The following FAM13C variants were observed in gnomAD, a reference collection of about 807,000 sequenced individuals.
FAM13C encodes protein FAM13C.
FAM13C carries 37 observed loss-of-function variants against 73.2 expected under a neutral mutation model. That is an observed-to-expected ratio of 0.51 (90% CI 0.39 to 0.67). The LOEUF is 0.67. Among genes scored for constraint, FAM13C ranks in the 30% least tolerant of loss-of-function variants. The pLI is 0.00. For missense variants in FAM13C, 589 were observed against 715.6 expected, an observed-to-expected ratio of 0.82 and a Z score of 2.02; for synonymous variants, 246 against 260.9, an observed-to-expected ratio of 0.94 and a Z score of 0.55.
At chr10:59,292,712 A>G (rs1348405239) in intron 5 of FAM13C, among the ~76,000 whole-genome samples, 1 of 152,240 alleles carries the variant, frequency 6.6e-6, no homozygotes, top group African/African-American at 2.4e-5. Context: ...ATATTTTTAA[A>G]TTTTGAATTG....
chr10:59,260,711 G>T (rs896495262), intron 10 of FAM13C, among the ~76,000 whole-genome samples: 4 of 151,974 alleles, frequency 2.6e-5, no homozygotes, highest in Non-Finnish European at 4.4e-5. Flanking sequence ...CTACATGAGG[G>T]CATTGACCAC....
intron 3 of FAM13C, among the ~76,000 whole-genome samples, chr10:59,329,337 T>G (rs1187870421): frequency 7.0e-6 from 1 of 142,432 alleles, no homozygotes; most frequent in Non-Finnish European, 1.5e-5. Flanking sequence ...TTTTCTTTCT[T>G]TCTGGTTTTT....
rs779949458 is a variant in FAM13C at position 59,269,964 on chromosome 10, T to C, written c.738A>G (p.Gln246=). 1.9e-6 allele frequency: 3 copies of C among 1,613,872 alleles called. No homozygotes were observed. In the African/African-American group the frequency reaches 4.0e-5, roughly 22 times the overall value. ...CGGGGTCTAAGTTGAATCTCTGGCTTTGGCTGAAGATGGAGCATCGTGGCG... is the reference window on the plus strand; with the variant it reads ...CGGGGTCTAAGTTGAATCTCTGGCTCTGGCTGAAGATGGAGCATCGTGGCG... The part of the protein sequence containing the change: ...LLSPRCSIFS[Q]SQRFNLDPES... Residue 246 remains glutamine (Q), a synonymous_variant, in exon 7 of 14, where the codon CAA becomes CAG. Transcript: ENST00000618804.
chr10:59,304,852 A>AGGGGGC (rs1848071972), intron 4 of FAM13C, among the ~76,000 whole-genome samples: 1 of 34,616 alleles, frequency 2.9e-5, no homozygotes, highest in Non-Finnish European at 5.8e-5. Context: ...GGGGAGGGGG[A>AGGGGGC]GGGGAAGGGA....
At chr10:59,320,096 TGAG>T (rs1850022568) in intron 4 of FAM13C, among the ~76,000 whole-genome samples, 1 of 152,022 alleles carries the variant, frequency 6.6e-6, no homozygotes, top group Non-Finnish European at 1.5e-5. Context: ...CATAAATAAA[TGAG>T]GAGAGCTGGG....
intron 6 of FAM13C, among the ~76,000 whole-genome samples, chr10:59,271,165 T>C (rs1262110313): frequency 6.6e-6 from 1 of 152,218 alleles, no homozygotes; most frequent in East Asian, 1.9e-4. Context: ...CAGCCAAGGC[T>C]TTCTCTTACT....
intron 5 of FAM13C, among the ~76,000 whole-genome samples, chr10:59,285,447 C>T (rs1330595760): frequency 6.6e-6 from 1 of 152,142 alleles, no homozygotes; most frequent in Non-Finnish European, 1.5e-5. Context: ...AATCAGTGAC[C>T]TCTCAAAAAG....
chr10:59,297,487 A>G (rs1238244460), intron 5 of FAM13C, among the ~76,000 whole-genome samples: 1 of 152,088 alleles, frequency 6.6e-6, no homozygotes, highest in African/African-American at 2.4e-5. Flanking sequence ...ATCCTTTCCT[A>G]TTCCATGACC....
intron 3 of FAM13C, among the ~76,000 whole-genome samples, chr10:59,351,058 C>G (rs1025016991): frequency 3.9e-5 from 6 of 152,082 alleles, no homozygotes; most frequent in Non-Finnish European, 8.8e-5. Flanking sequence ...ATCAGAAAGG[C>G]CAGGCGTGGT....
Position 59,355,917 on chromosome 10 carries a change from T to C in FAM13C, c.89A>G (p.His30Arg), listed in dbSNP as rs1855658798. 6.2e-7 allele frequency: 1 copy of C among 1,614,040 alleles called. No individual in the cohort carries two copies. The highest frequency in any genetic ancestry group is 8.5e-7 in the Non-Finnish European group (1 of 1,179,924). ...ACTGGAGCAATCAGTCTGGTCTTCA[T>C]GTAGAGAGACTGGATCTTCGTCACA... Reference protein sequence around the residue: ...TECDEDPVSLHEDQTDCSSLR... With the variant: ...TECDEDPVSLREDQTDCSSLR... The change falls in exon 2 of 14, where the codon CAT becomes CGT. Residue 30 changes from histidine to arginine, a missense_variant. Transcript: ENST00000618804.
chr10:59,306,908 G>C (rs1848323840), intron 4 of FAM13C, among the ~76,000 whole-genome samples: 1 of 152,138 alleles, frequency 6.6e-6, no homozygotes. Context: ...ATGGTGGTGA[G>C]AAACTGGAGA....
chr10:59,277,330 T>C (rs532779677), intron 6 of FAM13C, among the ~76,000 whole-genome samples: 1 of 152,246 alleles, frequency 6.6e-6, no homozygotes, highest in East Asian at 1.9e-4. Flanking sequence ...ATTTATTTTA[T>C]AAAATGCCCT....
chr10:59,257,865 C>T (rs1842095864), intron 10 of FAM13C, among the ~76,000 whole-genome samples: 1 of 152,242 alleles, frequency 6.6e-6, no homozygotes, highest in South Asian at 2.1e-4. Flanking sequence ...TTTAACATTA[C>T]AAATATGTAA....
chr10:59,304,547 C>T (rs72808549), intron 4 of FAM13C, among the ~76,000 whole-genome samples: 23,969 of 151,640 alleles, frequency 0.16, 2,270 homozygotes, highest in East Asian at 0.27. Context: ...GATGAGAACA[C>T]ATCAATCTAT....
intron 6 of FAM13C, among the ~76,000 whole-genome samples, chr10:59,270,483 G>GATT (rs1439412155): frequency 3.3e-5 from 5 of 151,776 alleles, no homozygotes; most frequent in African/African-American, 1.2e-4. Context: ...AAAGACTATA[G>GATT]ATTATCAGGA....
chr10:59,311,483 T>C (rs1313018784), intron 4 of FAM13C, among the ~76,000 whole-genome samples: 1 of 152,136 alleles, frequency 6.6e-6, no homozygotes, highest in African/African-American at 2.4e-5. Context: ...ATACACTTAG[T>C]AAATACATTC....
chr10:59,286,205 G>C (rs1845531215), intron 5 of FAM13C, among the ~76,000 whole-genome samples: 1 of 152,142 alleles, frequency 6.6e-6, no homozygotes, highest in Non-Finnish European at 1.5e-5. Flanking sequence ...ACTTGCATAA[G>C]ATATTTAGAG....
chr10:59,294,800 G>A (rs1256567709), intron 5 of FAM13C, among the ~76,000 whole-genome samples: 1 of 152,198 alleles, frequency 6.6e-6, no homozygotes, highest in Admixed American at 6.5e-5. Flanking sequence ...TACTGCTCCA[G>A]CTGAGGAACA....
intron 4 of FAM13C, among the ~76,000 whole-genome samples, chr10:59,304,261 T>C (rs1847947436): frequency 6.6e-6 from 1 of 152,176 alleles, no homozygotes; most frequent in African/African-American, 2.4e-5. Context: ...TATCAGACCT[T>C]TGAGGGATGG....
Sources: gnomAD v4.1 joint callset for allele counts (sites outside exome capture counted in the v4.1 genomes callset) on GRCh38, gnomAD v4.1.1 for gene constraint, MANE v1.5 for transcripts, NCBI Gene and HGNC (gene_info 2026-07-23, HGNC 2026-07-21) for gene names.